Variants in RAB27A observed in about 807,000 individuals in gnomAD.
The protein encoded by RAB27A is ras-related protein Rab-27A.
RAB27A carries 17 observed loss-of-function variants against 20.8 expected under a neutral mutation model. That is an observed-to-expected ratio of 0.82 (90% CI 0.56 to 1.23). The LOEUF (loss-of-function observed/expected upper bound fraction) is 1.23. Ranked by LOEUF, RAB27A falls within the 50% of genes most tolerant of loss-of-function variation. RAB27A has a pLI of 0.00. For missense variants in RAB27A, 277 were observed against 266.7 expected (o/e 1.04, Z -0.27); for synonymous variants, 85 against 92.8 (o/e 0.92, Z 0.48).
chr15:55,254,729 C>T (rs1897019182), intron 2 of RAB27A, among the ~76,000 whole-genome samples: 1 of 152,162 alleles, frequency 6.6e-6, no homozygotes, highest in African/African-American at 2.4e-5. Flanking sequence ...AGAAATTGGA[C>T]ATTTTTCACA....
At chr15:55,226,338 T>C (rs1895792904) in intron 5 of RAB27A, among the ~76,000 whole-genome samples, 1 of 152,062 alleles carries the variant, frequency 6.6e-6, no homozygotes, top group Non-Finnish European at 1.5e-5. Context: ...TTATCACCCT[T>C]CTCAAGAGGG....
chr15:55,293,199 A>C (rs185503358), upstream of RAB27A, among the ~76,000 whole-genome samples: 42 of 152,280 alleles, frequency 2.8e-4, no homozygotes, highest in African/African-American at 9.6e-4. Flanking sequence ...GATTTTAATA[A>C]ATAAATATAG....
At chr15:55,254,637 C>T (rs1328898369) in intron 2 of RAB27A, among the ~76,000 whole-genome samples, 1 of 152,106 alleles carries the variant, frequency 6.6e-6, no homozygotes, top group Admixed American at 6.6e-5. Flanking sequence ...AATTCTATTA[C>T]TTCTAATCTA....
intron 6 of RAB27A, among the ~76,000 whole-genome samples, chr15:55,206,548 G>A (rs1369019528): frequency 6.6e-6 from 1 of 152,062 alleles, no homozygotes; most frequent in East Asian, 1.9e-4. Flanking sequence ...TTACCATGTT[G>A]CCCAGGCTGG....
intron 2 of RAB27A, among the ~76,000 whole-genome samples, chr15:55,298,952 G>A (rs902277776): frequency 1.3e-5 from 2 of 152,134 alleles, no homozygotes; most frequent in African/African-American, 4.8e-5. Flanking sequence ...CTGTTATCCT[G>A]TTCTTTTTTC....
In RAB27A at chr15:55,234,877, C is replaced by T. The variant is rs369478092; in HGVS notation, c.58G>A (p.Val20Ile). ...TGGTAAAGTACACTGGTCTTCCCTA[C>T]ACCAGAGTCTCCCAAAGCTAAAAAC... is the stretch of plus-strand genomic sequence containing the variant. ...IKFLALGDSG[V>I]GKTSVLYQYT... The change falls in exon 3 of 7, where the codon GTA becomes ATA. Residue 20 changes from valine to isoleucine, a missense_variant. Val to Ile is a conservative substitution (Grantham distance 29). Coordinates refer to ENST00000336787, the MANE Select transcript of RAB27A (RefSeq NM_183235.3). 17 of 1,611,854 alleles carry T rather than the reference C, an allele frequency of 1.1e-5. No individual in the cohort carries two copies. The highest frequency in any genetic ancestry group is 1.3e-5 in the African/African-American group (1 of 74,846).
At chr15:55,207,127 A>G (rs1894690610) in intron 6 of RAB27A, among the ~76,000 whole-genome samples, 1 of 152,216 alleles carries the variant, frequency 6.6e-6, no homozygotes, top group Non-Finnish European at 1.5e-5. Flanking sequence ...TGGCAAAAAT[A>G]TAGAAATCTC....
upstream of RAB27A, among the ~76,000 whole-genome samples, chr15:55,292,247 C>T (rs147433160): frequency 3.0e-4 from 46 of 152,316 alleles, no homozygotes; most frequent in African/African-American, 1.0e-3. Flanking sequence ...TCACCTCATA[C>T]GTGTCTTACA....
At chr15:55,272,295 A>G (rs1180811371) in intron 1 of RAB27A, among the ~76,000 whole-genome samples, 1 of 152,176 alleles carries the variant, frequency 6.6e-6, no homozygotes, top group Non-Finnish European at 1.5e-5. Flanking sequence ...GCTACCCGGG[A>G]GGCTGAGGCA....
intron 1 of RAB27A, among the ~76,000 whole-genome samples, chr15:55,283,780 T>C (rs1025652344): frequency 1.3e-5 from 2 of 152,234 alleles, no homozygotes; most frequent in Non-Finnish European, 2.9e-5. Flanking sequence ...GACCTATTTC[T>C]GTATGTTTCA....
intron 3 of RAB27A, among the ~76,000 whole-genome samples, chr15:55,232,314 C>G (rs747053845): frequency 1.4e-4 from 22 of 152,130 alleles, no homozygotes; most frequent in Non-Finnish European, 3.2e-4. Context: ...ATTAAACAAA[C>G]AGCAACGACA....
chr15:55,212,998 T>A (rs190389222), intron 6 of RAB27A, among the ~76,000 whole-genome samples: 1 of 152,348 alleles, frequency 6.6e-6, no homozygotes, highest in Non-Finnish European at 1.5e-5. Flanking sequence ...GAGATGGTCT[T>A]TGCAACAGGA....
chr15:55,227,853 G>A (rs2140970725), intron 5 of RAB27A, among the ~76,000 whole-genome samples: 1 of 152,274 alleles, frequency 6.6e-6, no homozygotes, highest in South Asian at 2.1e-4. Context: ...TTAAATCAGT[G>A]TTTTAAAGAT....
At chr15:55,293,957 T>A (rs1025397571), upstream of RAB27A, among the ~76,000 whole-genome samples, 1 of 152,010 alleles carries the variant, frequency 6.6e-6, no homozygotes, top group African/African-American at 2.4e-5. Context: ...GTTCATGGAA[T>A]CAAACACATA....
intron 5 of RAB27A, among the ~76,000 whole-genome samples, chr15:55,227,215 G>T (rs1268107293): frequency 2.6e-5 from 4 of 152,116 alleles, no homozygotes; most frequent in African/African-American, 9.7e-5. Context: ...GCCAGGATAG[G>T]CAATATTTAT....
chr15:55,258,242 TAGA>T (rs1436677321), intron 2 of RAB27A, among the ~76,000 whole-genome samples: 2 of 152,172 alleles, frequency 1.3e-5, no homozygotes, highest in East Asian at 1.9e-4. Flanking sequence ...TGTGTTTTCC[TAGA>T]AGAAGAATTC....
intron 6 of RAB27A, among the ~76,000 whole-genome samples, chr15:55,215,732 CGGGT>C (rs1453994628): frequency 6.7e-6 from 1 of 149,818 alleles, no homozygotes; most frequent in Non-Finnish European, 1.5e-5. Flanking sequence ...GAGGCTGAGA[CGGGT>C]GGATCACCTG....
chr15:55,302,411 T>C (rs926108608), intron 2 of RAB27A, among the ~76,000 whole-genome samples: 7 of 151,942 alleles, frequency 4.6e-5, no homozygotes, highest in Non-Finnish European at 1.0e-4. Flanking sequence ...AGTGGCATGA[T>C]CTCGGCTCAC....
intron 2 of RAB27A, among the ~76,000 whole-genome samples, chr15:55,246,399 A>G (rs1449183898): frequency 6.7e-6 from 1 of 148,744 alleles, no homozygotes; most frequent in African/African-American, 2.4e-5. Context: ...ACCAATGTCA[A>G]TAACTCAAAT....
Sources: allele counts gnomAD v4.1 joint callset (sites outside exome capture counted in the v4.1 genomes callset), GRCh38; gene constraint gnomAD v4.1.1; transcripts MANE v1.5; gene names NCBI Gene and HGNC (gene_info 2026-07-23, HGNC 2026-07-21).